Variants in SART3 observed in about 807,000 individuals in gnomAD.
The protein encoded by SART3 is spliceosome associated factor 3, U4/U6 recycling protein, also known as HIV-1 Tat-interacting protein of 110kDa.
SART3 carries 44 observed loss-of-function variants against 122.3 expected under a neutral mutation model. That is an observed-to-expected ratio of 0.36 (90% CI 0.28 to 0.46). The LOEUF is 0.46. Ranked by LOEUF, SART3 falls within the 20% of genes least tolerant of loss-of-function variation. The pLI, the probability that SART3 is intolerant of heterozygous loss-of-function variation, is 1.00. For missense variants in SART3, 1,101 were observed against 1,229.0 expected (o/e 0.90, Z 1.56); for synonymous variants, 442 against 454.0 (o/e 0.97, Z 0.34).
intron 3 of SART3, among the ~76,000 whole-genome samples, chr12:108,547,505 G>A (rs1472534846): frequency 6.6e-6 from 1 of 151,988 alleles, no homozygotes; most frequent in Non-Finnish European, 1.5e-5. Flanking sequence ...AACTTCCTAT[G>A]ACTCTATAAT....
At chr12:108,549,570 T>C (rs932002993) in intron 1 of SART3, among the ~76,000 whole-genome samples, 2 of 152,232 alleles carry the variant, frequency 1.3e-5, no homozygotes, top group Non-Finnish European at 2.9e-5. Context: ...AGGACACTAC[T>C]AGTTTCTAGC....
Position 108,561,120 on chromosome 12 carries a change from G to C in SART3, c.35C>G (p.Pro12Arg), listed in dbSNP as rs777373560. 2 of 1,613,616 alleles carry C rather than the reference G, an allele frequency of 1.2e-6. No individual in the cohort carries two copies. Among genetic ancestry groups the C allele is most frequent in the Non-Finnish European group, 1.7e-6 (2 of 1,179,534 alleles). ...GGGCCCAGCCTTGGACTCAGCCTCG[G>C]GTTCTGAAGCCGAGGTTTCGGCCGC... ...ATAAETSASE[P>R]EAESKAGPKA... Residue 12 changes from proline to arginine, a missense_variant, in exon 1 of 19, where the codon CCC becomes CGC. Pro to Arg is a moderately radical substitution (Grantham distance 103). Coordinates refer to ENST00000546815, the MANE Select transcript of SART3 (RefSeq NM_014706.4).
intron 6 of SART3, among the ~76,000 whole-genome samples, chr12:108,539,305 G>C (rs966691441): frequency 5.9e-5 from 9 of 152,158 alleles, no homozygotes; most frequent in Non-Finnish European, 1.2e-4. Flanking sequence ...CGCTACAAAG[G>C]CTCCATAAAC....
chr12:108,540,791 C>G (rs919903406), intron 6 of SART3, among the ~76,000 whole-genome samples: 4 of 152,144 alleles, frequency 2.6e-5, no homozygotes, highest in Non-Finnish European at 4.4e-5. Context: ...GAAAGACCCA[C>G]ACATAAATGG....
intron 12 of SART3, among the ~76,000 whole-genome samples, 162 bp downstream of exon 12, chr12:108,535,197 T>C (rs1323455957): frequency 6.6e-6 from 1 of 152,224 alleles, no homozygotes; most frequent in African/African-American, 2.4e-5. Flanking sequence ...TCTGGTTCTC[T>C]AGCCCTGCCC....
intron 15 of SART3, 140 bp from the exon 16 acceptor site, chr12:108,526,693 A>C: frequency 1.1e-6 from 1 of 899,782 alleles, no homozygotes; most frequent in Non-Finnish European, 1.8e-6. Context: ...GGCAAGCACC[A>C]CCCCGAGAAG....
At chr12:108,532,620 T>G in intron 12 of SART3, 2 of 391,468 alleles carry the variant, frequency 5.1e-6, no homozygotes, top group South Asian at 4.2e-5. Context: ...AGCATTCACA[T>G]GTGCGGCACA....
intron 16 of SART3, 45 bp downstream of exon 16, chr12:108,526,054 A>G: frequency 1.3e-6 from 2 of 1,506,818 alleles, no homozygotes; most frequent in Non-Finnish European, 1.8e-6. Context: ...GTGCCTGTCT[A>G]AAGCAACCAC....
In SART3 at chr12:108,537,487, C is replaced by G; in HGVS notation, c.1309+1G>C. ...AAAGTGAAAAACATGTGCTTAAATA[C>G]CTTGTTTGAAATCAACCCTTCTCCT... On this transcript the variant is annotated splice_donor_variant, in intron 9 of 18. Transcript: ENST00000546815. LOFTEE classifies it high-confidence loss of function. 1 of 1,609,576 alleles carries G rather than the reference C, an allele frequency of 6.2e-7. No homozygotes were observed. Among genetic ancestry groups the G allele is most frequent in the South Asian group, 1.1e-5 (1 of 90,990 alleles).
rs35159668 is a variant in SART3, at chr12:108,559,664, CAAAAAAAAA to C, written c.312+1170_312+1178del. Among the ~76,000 whole-genome samples, 7 of 79,744 alleles carry C rather than the reference CAAAAAAAAA, an allele frequency of 8.8e-5. No homozygotes were observed. In the East Asian group the frequency reaches 1.5e-3, roughly 17 times the overall value. The allele number at this position is 79,744 out of a possible 152,430, so 52.3% of individuals were successfully genotyped here. Reference sequence around the variant, plus strand: ...TGGGTGACAGGGCGAGACTCTGTCTCAAAAAAAAAAAAAAAAAAAAAAAGAGAGAATGTG... The same window carrying C: ...TGGGTGACAGGGCGAGACTCTGTCTCAAAAAAAAAAAAAAGAGAGAATGTG... On this transcript the variant is annotated intron_variant, in intron 1 of 18. Transcript: ENST00000546815.
intron 12 of SART3, chr12:108,532,756 CT>C (rs80035733): frequency 0.047 from 8,293 of 177,836 alleles, no homozygotes; most frequent in South Asian, 0.13. Context: ...AGAGTCAGAT[CT>C]TTTTTTTTTT....
At chr12:108,547,221 C>T (rs574370112) in intron 3 of SART3, among the ~76,000 whole-genome samples, 3 of 152,088 alleles carry the variant, frequency 2.0e-5, no homozygotes, top group South Asian at 4.1e-4. Flanking sequence ...ATACAAGGGA[C>T]GGTAAAGAGA....
At chr12:108,554,643 TTATA>T (rs2030142133) in intron 1 of SART3, among the ~76,000 whole-genome samples, 1 of 148,538 alleles carries the variant, frequency 6.7e-6, no homozygotes, top group Non-Finnish European at 1.5e-5. Flanking sequence ...AATAACATAT[TTATA>T]TATTTATTAT....
In SART3 at chr12:108,525,471, C is replaced by G. The variant is rs773412711; in HGVS notation, c.2509G>C (p.Ala837Pro). ...VKDLRLVTNRAGKPKGLAYVE... is the reference protein window; with the variant it reads ...VKDLRLVTNRPGKPKGLAYVE... ...CTGACTCTGACCTTTGGTTTGCCAG[C>G]CCGGTTGGTGACCAGCCTGAGGTCC... The change falls in exon 17 of 19, where the codon GCT (alanine) becomes CCT (proline). Residue 837 changes from alanine (A) to proline (P), a missense_variant. Ala to Pro is a conservative substitution (Grantham distance 27). Transcript: ENST00000546815. 20 of 1,614,174 alleles carry G rather than the reference C, an allele frequency of 1.2e-5. No homozygotes were observed. Among genetic ancestry groups the G allele is most frequent in the Non-Finnish European group, 1.6e-5 (19 of 1,180,042 alleles).
At chr12:108,525,741 C>G (rs1469229509) in intron 16 of SART3, 132 bp from the exon 17 acceptor site, 3 of 931,024 alleles carry the variant, frequency 3.2e-6, no homozygotes, top group South Asian at 2.7e-5. Context: ...TGCTCTGAAA[C>G]TTGTTAATGG....
intron 2 of SART3, among the ~76,000 whole-genome samples, chr12:108,548,732 ACTGT>A (rs1873546081): frequency 6.6e-6 from 1 of 152,358 alleles, no homozygotes; most frequent in South Asian, 2.1e-4. Flanking sequence ...TACATAAAAA[ACTGT>A]CTGTAAAAGT....
At chr12:108,552,503 C>T (rs1190291922) in intron 1 of SART3, among the ~76,000 whole-genome samples, 2 of 142,224 alleles carry the variant, frequency 1.4e-5, no homozygotes, top group African/African-American at 2.7e-5. Context: ...AAATAGTGAA[C>T]TGAGCAAGGT....
In SART3 at chr12:108,539,069, C is replaced by A. The variant is rs372317540; in HGVS notation, c.927G>T (p.Arg309Ser). Residue 309 changes from arginine (R) to serine (S), a missense_variant, in exon 7 of 19, where the codon AGG (arginine) becomes AGT (serine). Transcript: ENST00000546815. ...CGATATATGCTTGATATTCTGCCAG[C>A]CTTGGTGCCTCTGCCTGCAACTGGA... is the stretch of plus-strand genomic sequence containing the variant. Reference protein sequence around the residue: ...EEALLQAEAPRLAEYQAYIDF... With the variant: ...EEALLQAEAPSLAEYQAYIDF... 1.1e-5 allele frequency: 18 copies of A among 1,614,162 alleles called. No homozygotes were observed. Among genetic ancestry groups the A allele is most frequent in the Non-Finnish European group, 1.4e-5 (17 of 1,180,032 alleles).
At chr12:108,551,176 T>A (rs531377311) in intron 1 of SART3, among the ~76,000 whole-genome samples, 1 of 152,314 alleles carries the variant, frequency 6.6e-6, no homozygotes, top group South Asian at 2.1e-4. Flanking sequence ...AATTAAAAAG[T>A]TGAAGCGGAC....
Sources: gnomAD v4.1 joint callset for allele counts (sites outside exome capture counted in the v4.1 genomes callset) on GRCh38, gnomAD v4.1.1 for gene constraint, MANE v1.5 for transcripts, NCBI Gene and HGNC (gene_info 2026-07-23, HGNC 2026-07-21) for gene names.